Variants in UXS1 observed in about 807,000 individuals in gnomAD.
The protein encoded by UXS1 is UDP-glucuronic acid decarboxylase 1.
A neutral mutation model predicts 62.6 loss-of-function variants in UXS1; 33 were observed. The observed-to-expected ratio is 0.53, with a 90% CI of 0.40 to 0.70. The LOEUF is 0.70. Ranked by LOEUF, UXS1 falls within the 30% of genes least tolerant of loss-of-function variation. UXS1 has a pLI of 0.00. For missense variants in UXS1, 434 were observed against 556.3 expected, an observed-to-expected ratio of 0.78 and a Z score of 2.21; for synonymous variants, 213 against 206.8, an observed-to-expected ratio of 1.03 and a Z score of -0.26.
chr2:106,097,345 C>G, intron 13 of UXS1: 1 of 395,406 alleles, frequency 2.5e-6, no homozygotes, highest in South Asian at 1.8e-5. Context: ...GTTCCACATC[C>G]TTGCTGGGCC....
intron 1 of UXS1, among the ~76,000 whole-genome samples, chr2:106,188,666 T>G (rs1684730893): frequency 1.3e-5 from 2 of 152,084 alleles, no homozygotes; most frequent in Non-Finnish European, 2.9e-5. Context: ...CTTGTGACAA[T>G]AGCCCGGGAG....
At chr2:106,129,638 A>C in intron 7 of UXS1, 36 bp downstream of exon 7, 4 of 1,512,126 alleles carry the variant, frequency 2.6e-6, no homozygotes, top group Non-Finnish European at 3.6e-6. Flanking sequence ...AAATATTCCC[A>C]GCAACAGCCA....
chr2:106,103,625 G>C (rs549244502), intron 11 of UXS1, among the ~76,000 whole-genome samples: 1 of 152,284 alleles, frequency 6.6e-6, no homozygotes, highest in South Asian at 2.1e-4. Flanking sequence ...CCATTTCCCT[G>C]TTAAATCGCT....
intron 10 of UXS1, among the ~76,000 whole-genome samples, chr2:106,105,607 C>T (rs1297728389): frequency 1.3e-5 from 2 of 152,172 alleles, no homozygotes; most frequent in Non-Finnish European, 2.9e-5. Context: ...GCCAACTGCC[C>T]CCAACTGTGA....
chr2:106,152,488 A>C (rs1573520932), intron 5 of UXS1, among the ~76,000 whole-genome samples: 1 of 34,148 alleles, frequency 2.9e-5, no homozygotes, highest in Non-Finnish European at 8.6e-5. Flanking sequence ...GAAGGAAGGG[A>C]GGGAGAGAGG....
rs145901705 is a variant in UXS1, at chr2:106,125,752, A to G, written c.578-73T>C. 347 of 1,359,844 alleles carry G rather than the reference A, an allele frequency of 2.6e-4. 1 individual carries two copies. The African/African-American group carries it at 4.7e-3, about 18-fold the overall frequency. 84.2% of individuals were successfully genotyped at this position (1,359,844 alleles called of 1,614,324 possible). Reference sequence around the variant, plus strand: ...GGCACATTTTTTGCTGGCCAATTTAAGCAATGTTTTAGTATTAAAGACATT... The same window carrying G: ...GGCACATTTTTTGCTGGCCAATTTAGGCAATGTTTTAGTATTAAAGACATT... On this transcript the variant is annotated intron_variant, in intron 7 of 14. Transcript: ENST00000283148.
intron 5 of UXS1, among the ~76,000 whole-genome samples, chr2:106,150,719 G>A (rs975548340): frequency 6.6e-6 from 1 of 152,186 alleles, no homozygotes; most frequent in Admixed American, 6.5e-5. Flanking sequence ...CGGGGGGTAG[G>A]CAGAGACTCA....
chr2:106,099,020 G>T (rs1434240007), intron 12 of UXS1, among the ~76,000 whole-genome samples: 3 of 152,222 alleles, frequency 2.0e-5, no homozygotes, highest in African/African-American at 7.2e-5. Flanking sequence ...GCTTTGGATA[G>T]GTCAAGAGTT....
chr2:106,189,604 G>A (rs1250319635), intron 1 of UXS1, among the ~76,000 whole-genome samples: 1 of 152,186 alleles, frequency 6.6e-6, no homozygotes, highest in Non-Finnish European at 1.5e-5. Context: ...AGGGAGTGAG[G>A]AAGGGAGGGC....
chr2:106,171,721 T>C (rs1011543478), intron 1 of UXS1, among the ~76,000 whole-genome samples: 23 of 152,218 alleles, frequency 1.5e-4, no homozygotes, highest in African/African-American at 5.3e-4. Flanking sequence ...AAATCACCAT[T>C]TCCGTTTTAT....
Position 106,171,007 on chromosome 2 carries a change from A to C in UXS1, c.95-4924T>G, listed in dbSNP as rs917406922. 8.5e-5 allele frequency among the ~76,000 whole-genome samples: 13 copies of C among 152,182 alleles called. No homozygotes were observed. In the South Asian group the frequency reaches 2.7e-3, roughly 31 times the overall value. ...TAAAGTAAGTATTTTAAGAAAGATAATTATTCAGTTATTGACAAAGGGCTT... is the reference window on the plus strand; with the variant it reads ...TAAAGTAAGTATTTTAAGAAAGATACTTATTCAGTTATTGACAAAGGGCTT... On this transcript the variant is annotated intron_variant, in intron 1 of 14. Coordinates refer to ENST00000283148, the MANE Select transcript of UXS1 (RefSeq NM_001253875.2).
chr2:106,119,155 A>T (rs1355948258), intron 9 of UXS1, among the ~76,000 whole-genome samples: 2 of 152,218 alleles, frequency 1.3e-5, no homozygotes, highest in African/African-American at 4.8e-5. Flanking sequence ...TGCAGGGGTG[A>T]TGCTACTGCA....
At chr2:106,096,659 G>A in intron 14 of UXS1, 59 bp downstream of exon 14, 2 of 1,463,776 alleles carry the variant, frequency 1.4e-6, no homozygotes, top group South Asian at 2.7e-5. Flanking sequence ...CTACAGGACA[G>A]CAGACACAGG....
intron 10 of UXS1, among the ~76,000 whole-genome samples, chr2:106,106,085 C>A (rs1282629202): frequency 6.6e-6 from 1 of 152,154 alleles, no homozygotes; most frequent in Non-Finnish European, 1.5e-5. Flanking sequence ...ACACGCATGG[C>A]CTGGCGCGGT....
intron 7 of UXS1, among the ~76,000 whole-genome samples, chr2:106,129,272 C>T (rs879306556): frequency 6.6e-6 from 1 of 152,176 alleles, no homozygotes; most frequent in Non-Finnish European, 1.5e-5. Context: ...GTCAACCCAA[C>T]CTGGGGATCA....
chr2:106,103,900 T>C (rs1046904181), intron 11 of UXS1, among the ~76,000 whole-genome samples: 1 of 152,148 alleles, frequency 6.6e-6, no homozygotes, highest in African/African-American at 2.4e-5. Context: ...GACCCCTACC[T>C]AAGGGTCCTG....
chr2:106,096,767 C>T lies in UXS1; in HGVS notation c.1097G>A (p.Arg366Lys). ...CTTTGCTTTTTTGATGTCTGGTTTT[C>T]TTTTCTGTGGGTCATCCTGGGCTTC... ...LSEAQDDPQK[R>K]KPDIKKAKLM... Residue 366 changes from arginine to lysine, a missense_variant, in exon 14 of 15, where the codon AGA becomes AAA. This residue lies in a region of UXS1 where 209 missense variants were observed against 233.3 expected (regional missense o/e 0.90). Transcript: ENST00000283148. 1 of 1,592,748 alleles carries T rather than the reference C, an allele frequency of 6.3e-7. No individual in the cohort carries two copies. Among genetic ancestry groups the T allele is most frequent in the Non-Finnish European group, 8.6e-7 (1 of 1,168,214 alleles).
chr2:106,148,528 C>T (rs1336136679), intron 5 of UXS1, among the ~76,000 whole-genome samples: 5 of 152,220 alleles, frequency 3.3e-5, no homozygotes, highest in African/African-American at 1.2e-4. Flanking sequence ...TTAAATTACA[C>T]ATGATCATCT....
At chr2:106,155,081 A>G (rs563307857) in intron 5 of UXS1, among the ~76,000 whole-genome samples, 1 of 152,278 alleles carries the variant, frequency 6.6e-6, no homozygotes, top group East Asian at 1.9e-4. Context: ...GTGTGAACTC[A>G]TTACAGTGGG....
Sources: gnomAD v4.1 joint callset for allele counts (sites outside exome capture counted in the v4.1 genomes callset) on GRCh38, gnomAD v4.1.1 for gene constraint, gnomAD v4.1.1 regional missense constraint, MANE v1.5 for transcripts, NCBI Gene and HGNC (gene_info 2026-07-23, HGNC 2026-07-21) for gene names.